The following TAB3 variants were observed in gnomAD, a reference collection of about 807,000 sequenced individuals.
TAB3 encodes the protein TGF-beta activated kinase 1 (MAP3K7) binding protein 3, also known as TGF-beta-activated kinase 1 and MAP3K7-binding protein 3.
Under a neutral mutation model 48.1 loss-of-function variants are expected in TAB3, and 18 were observed. That is an observed-to-expected ratio of 0.37 (90% CI 0.26 to 0.55). The LOEUF (loss-of-function observed/expected upper bound fraction) is 0.55, where lower values mean the gene tolerates loss of function less well. Ranked by LOEUF, TAB3 falls within the 20% of genes least tolerant of loss-of-function variation. The pLI, the probability that TAB3 is intolerant of heterozygous loss-of-function variation, is 0.78. For missense variants in TAB3, 414 were observed against 549.8 expected (o/e 0.75, Z 2.47); for synonymous variants, 185 against 190.2 (o/e 0.97, Z 0.22).
rs1456751748 is a variant in TAB3 at position 30,855,316 on chromosome X, G to A, written c.349C>T (p.Leu117=). Residue 117 remains leucine (L), a synonymous_variant, in exon 6 of 11, where the codon CTG becomes TTG. Transcript: ENST00000288422. ...IDPQHAAGKQ[L]ICLVQEPHSA... is the part of the protein sequence containing the mutation. ...TGTGGTTCTTGAACTAAACATATCA[G>A]CTGTTTACCTGCTGCATGCTGAGGA... The A allele has an allele frequency of 8.3e-7, 1 of 1,211,822 alleles. No homozygotes were observed.
At chrX:30,872,963 AGAG>A (rs944009444) in intron 1 of TAB3, among the ~76,000 whole-genome samples, 26 of 112,179 alleles carry the variant, frequency 2.3e-4, no homozygotes, top group African/African-American at 7.1e-4. Flanking sequence ...ATATGAAGTA[AGAG>A]GATAAAGAAA....
Position 30,854,620 on chromosome X carries a change from C to A in TAB3, c.1045G>T (p.Ala349Ser). Residue 349 changes from alanine to serine, a missense_variant, in exon 6 of 11, where the codon GCC becomes TCC. By Grantham distance (99) the Ala-to-Ser change is moderately conservative (BLOSUM62 1). Coordinates refer to ENST00000288422, the MANE Select transcript of TAB3 (RefSeq NM_152787.5). ...CTAGATGCTGTGTATGGAAGATAGGCTACTGAATGGCTTCCCTGTTTCTGA... is the reference window on the plus strand; with the variant it reads ...CTAGATGCTGTGTATGGAAGATAGGATACTGAATGGCTTCCCTGTTTCTGA... ...SYQKQGSHSV[A>S]YLPYTASSLS... 1 of 1,211,492 alleles carries A rather than the reference C, an allele frequency of 8.3e-7. No homozygotes were observed. Among genetic ancestry groups the A allele is most frequent in the Non-Finnish European group, 1.1e-6 (1 of 895,284 alleles).
chrX:30,884,735 T>C (rs772085645), intron 1 of TAB3, among the ~76,000 whole-genome samples: 1 of 112,285 alleles, frequency 8.9e-6, no homozygotes, highest in African/African-American at 3.2e-5. Context: ...CTCACTTAAT[T>C]GTCTGAACAT....
intron 8 of TAB3, chrX:30,844,207 C>T (rs956587382): frequency 1.3e-4 from 15 of 111,320 alleles, no homozygotes; most frequent in African/African-American, 4.9e-4. Flanking sequence ...AAAATGGATA[C>T]ATTTAGATTC....
In TAB3 at chrX:30,854,686, T is replaced by C. The variant is rs775022911; in HGVS notation, c.979A>G (p.Thr327Ala). 32 of 1,209,566 alleles carry C rather than the reference T, an allele frequency of 2.6e-5. No homozygotes were observed. The highest frequency in any genetic ancestry group is 3.4e-5 in the Non-Finnish European group (30 of 895,076). Residue 327 changes from threonine to alanine, a missense_variant, in exon 6 of 11, where the codon ACT (threonine) becomes GCT (alanine). Coordinates refer to ENST00000288422, the MANE Select transcript of TAB3 (RefSeq NM_152787.5). ...GHIFMPPSPS[T>A]TPPHPYQQGP... ...TGTTGATATGGATGGGGTGGAGTAGTTGAAGGACTAGGTGGCATAAAGATG... is the reference window on the plus strand; with the variant it reads ...TGTTGATATGGATGGGGTGGAGTAGCTGAAGGACTAGGTGGCATAAAGATG...
rs1041715034 is a variant in TAB3 at position 30,871,819 on chromosome X, A to G, written c.-382-18T>C. On this transcript the variant is annotated intron_variant, in intron 1 of 10. Transcript: ENST00000288422. ...ACAGTGTCCTGAAAAATAAAAGGCT[A>G]ATGAGGTAAGATTCAAACTGTGAAA... 8.9e-6 allele frequency: 1 copy of G among 112,479 alleles called. No homozygotes were observed. Among genetic ancestry groups the G allele is most frequent in the Non-Finnish European group, 1.9e-5 (1 of 53,297 alleles). The allele number at this position is 112,479 out of a possible 1,213,427, so 9.3% of individuals were successfully genotyped here. A position where few individuals can be genotyped will look rare whatever the true frequency, so the allele number is the denominator to read the frequency against.
intron 4 of TAB3, among the ~76,000 whole-genome samples, chrX:30,865,860 T>C (rs1939388190): frequency 8.9e-6 from 1 of 112,360 alleles, no homozygotes; most frequent in Non-Finnish European, 1.9e-5. Context: ...TAACAAAAAG[T>C]GGCTGATATT....
chrX:30,885,174 A>C (rs1940096896), intron 1 of TAB3, among the ~76,000 whole-genome samples: 1 of 112,315 alleles, frequency 8.9e-6, no homozygotes, highest in South Asian at 3.6e-4. Context: ...TCAGTGAATA[A>C]TTAACAAAAA....
chrX:30,833,473 ACT>A (rs1333428548), intron 10 of TAB3, among the ~76,000 whole-genome samples: 2 of 111,751 alleles, frequency 1.8e-5, no homozygotes, highest in Admixed American at 1.9e-4. Context: ...AAAACATCTC[ACT>A]GATAATTTTA....
At chrX:30,888,252 G>A (rs1940185908) in intron 1 of TAB3, among the ~76,000 whole-genome samples, 1 of 112,709 alleles carries the variant, frequency 8.9e-6, no homozygotes, top group African/African-American at 3.2e-5. Context: ...GAAACCAGAA[G>A]TAAATATACT....
At chrX:30,834,260 CCCTA>C (rs1938119421) in intron 9 of TAB3, 108 bp from the exon 10 acceptor site, 1 of 637,310 alleles carries the variant, frequency 1.6e-6, no homozygotes, top group African/African-American at 2.2e-5. Context: ...AGTGCATTTA[CCCTA>C]CCTATTACTT....
chrX:30,837,257 C>G (rs2147328907), intron 9 of TAB3, among the ~76,000 whole-genome samples: 1 of 109,531 alleles, frequency 9.1e-6, no homozygotes, highest in African/African-American at 3.3e-5. Context: ...CCCTGTTGGA[C>G]AGGCTGGTCT....
intron 9 of TAB3, among the ~76,000 whole-genome samples, chrX:30,837,550 T>C (rs1485928367): frequency 1.8e-5 from 2 of 112,020 alleles, no homozygotes; most frequent in African/African-American, 6.5e-5. Context: ...GTCTTTTTAT[T>C]ACTGTGTTGT....
At chrX:30,849,378 A>G (rs1215933763) in intron 7 of TAB3, among the ~76,000 whole-genome samples, 1 of 112,508 alleles carries the variant, frequency 8.9e-6, no homozygotes, top group Non-Finnish European at 1.9e-5. Context: ...CTGGTCACAA[A>G]TGTGCACTGC....
chrX:30,872,996 C>T (rs758068172), intron 1 of TAB3, among the ~76,000 whole-genome samples: 2 of 111,635 alleles, frequency 1.8e-5, no homozygotes, highest in Non-Finnish European at 3.8e-5. Context: ...CAATATCTCA[C>T]CAGAATGGCA....
At chrX:30,838,399 C>T (rs983573342) in intron 9 of TAB3, among the ~76,000 whole-genome samples, 6 of 112,119 alleles carry the variant, frequency 5.4e-5, no homozygotes, top group African/African-American at 1.6e-4. Context: ...AGTGATCCTC[C>T]TGCCTTGGTC....
intron 5 of TAB3, among the ~76,000 whole-genome samples, chrX:30,857,819 G>A (rs776679250): frequency 1.8e-5 from 2 of 111,873 alleles, no homozygotes; most frequent in Non-Finnish European, 3.8e-5. Flanking sequence ...GATAAAAAAT[G>A]TATCAAACAG....
At chrX:30,848,457 G>A (rs1406845178) in intron 7 of TAB3, among the ~76,000 whole-genome samples, 1 of 111,600 alleles carries the variant, frequency 9.0e-6, no homozygotes. Context: ...GGGAGGTGGA[G>A]GTTGCAGTGA....
chrX:30,833,993 A>G, intron 10 of TAB3, 58 bp downstream of exon 10: 3 of 1,034,748 alleles, frequency 2.9e-6, no homozygotes, highest in African/African-American at 1.8e-5. Flanking sequence ...ATAATTCTAC[A>G]TGGATTAACA....
Sources: allele counts gnomAD v4.1 joint callset (sites outside exome capture counted in the v4.1 genomes callset), GRCh38; gene constraint gnomAD v4.1.1; transcripts MANE v1.5; gene names NCBI Gene and HGNC (gene_info 2026-07-23, HGNC 2026-07-21).